NFX1: variants seen among roughly 807,000 people sequenced by gnomAD.
The protein encoded by NFX1 is nuclear transcription factor, X-box binding 1, also known as transcriptional repressor NF-X1.
In NFX1, 69 loss-of-function variants were observed where a neutral mutation model predicts 137.2. The ratio of observed to expected loss-of-function variants is 0.50; its 90% CI spans 0.41 to 0.61. The LOEUF is 0.61. Ranked by LOEUF, NFX1 falls within the 20% of genes least tolerant of loss-of-function variation. The probability of loss-of-function intolerance (pLI) is 0.00; values close to 1 mark genes in which losing one functional copy is unlikely to be tolerated. For missense variants in NFX1, 1,167 were observed against 1,391.0 expected (o/e 0.84, Z 2.56); for synonymous variants, 495 against 474.1 (o/e 1.04, Z -0.57).
chr9:33,312,007 C>A, intron 6 of NFX1, among the ~76,000 whole-genome samples: 1 of 152,116 alleles, frequency 6.6e-6, no homozygotes, highest in East Asian at 1.9e-4. Context: ...TAGGTGACTC[C>A]AGAGCCCACC....
At chr9:33,347,598 CA>C in intron 15 of NFX1, 1 of 289,316 alleles carries the variant, frequency 3.5e-6, no homozygotes, top group Non-Finnish European at 7.1e-6. Flanking sequence ...TAAACTAGTA[CA>C]ACCACTGTGG....
chr9:33,342,128 T>TCTCA (rs553375106), intron 12 of NFX1, among the ~76,000 whole-genome samples: 1 of 146,186 alleles, frequency 6.8e-6, no homozygotes, highest in African/African-American at 2.5e-5. Context: ...TCTCTCTCTC[T>TCTCA]CACACACACA....
chr9:33,292,068 C>T (rs1285131321), intron 1 of NFX1, among the ~76,000 whole-genome samples: 1 of 152,222 alleles, frequency 6.6e-6, no homozygotes, highest in Non-Finnish European at 1.5e-5. Context: ...GTCTCATCCA[C>T]AGGCTCGTTT....
rs1362018384 is a variant in NFX1, at chr9:33,363,997, C to T, written c.2874-13C>T. 1 of 1,545,716 alleles carries T rather than the reference C, an allele frequency of 6.5e-7. No homozygotes were observed. Among genetic ancestry groups the T allele is most frequent in the South Asian group, 1.2e-5 (1 of 81,262 alleles). On this transcript the variant is annotated splice_polypyrimidine_tract_variant and intron_variant, in intron 19 of 23. Coordinates refer to ENST00000379540, the MANE Select transcript of NFX1 (RefSeq NM_002504.6). ...CCACTCCTTTTATTTGCATACCTCTCTCTCTCTTTCAGGAGATTAGCAGAG... is the reference window on the plus strand; with the variant it reads ...CCACTCCTTTTATTTGCATACCTCTTTCTCTCTTTCAGGAGATTAGCAGAG...
chr9:33,328,795 A>C (rs1364232876), intron 10 of NFX1, 117 bp downstream of exon 10: 7 of 778,530 alleles, frequency 9.0e-6, no homozygotes, highest in South Asian at 1.7e-5. Context: ...TGGTTGTGGC[A>C]CTCAAGGTCC....
intron 12 of NFX1, among the ~76,000 whole-genome samples, chr9:33,340,020 A>C (rs1823160123): frequency 6.6e-6 from 1 of 152,222 alleles, no homozygotes; most frequent in Admixed American, 6.5e-5. Context: ...ACACAGTGCA[A>C]GCTGTCAGTG....
chr9:33,351,955 C>G (rs1823653235), intron 16 of NFX1, 165 bp downstream of exon 16: 1 of 629,080 alleles, frequency 1.6e-6, no homozygotes, highest in African/African-American at 1.9e-5. Flanking sequence ...AAGTTTCTGC[C>G]TGCCCAACTT....
At position 33,351,756 on chromosome 9, in the gene NFX1, G is replaced by C. The variant is rs758591739; in HGVS notation, c.2621G>C (p.Ser874Thr). The C allele has an allele frequency of 1.9e-6, 3 of 1,605,408 alleles. No individual in the cohort carries two copies. Among genetic ancestry groups the C allele is most frequent in the Admixed American group, 1.7e-5 (1 of 58,878 alleles). The part of the protein sequence containing the change: ...GHPCMAPCHT[S>T]SPCPVTACKA... The stretch of plus-strand genomic sequence containing the variant: ...CCGTGTATGGCACCCTGCCATACCA[G>C]CTCACCCTGCCCTGTGACTGCTTGT... The change falls in exon 16 of 24, where the codon AGC becomes ACC. Residue 874 changes from serine to threonine, a missense_variant. Around this residue, in one of 3 missense-constraint regions of NFX1, gnomAD observed 312 missense variants for 312.8 expected, o/e 1.00. Transcript: ENST00000379540.
intron 5 of NFX1, among the ~76,000 whole-genome samples, chr9:33,308,365 C>T (rs1294729556): frequency 1.6e-4 from 24 of 152,092 alleles, no homozygotes; most frequent in Admixed American, 1.6e-3. Flanking sequence ...TCATTTGAGT[C>T]CAGGAGTTCA....
intron 19 of NFX1, among the ~76,000 whole-genome samples, chr9:33,362,743 G>A (rs1824040265): frequency 2.0e-5 from 2 of 99,874 alleles, no homozygotes; most frequent in Non-Finnish European, 3.6e-5. Context: ...TGCTCTTGTT[G>A]CCCAGGCTGT....
rs577567627 is a variant in NFX1 at position 33,303,988 on chromosome 9, C to T, written c.1270+720C>T. On this transcript the variant is annotated intron_variant, in intron 4 of 23. Transcript: ENST00000379540. Reference sequence around the variant, plus strand: ...CCGTATTCAGAAATTACCAATGGGCCGGGCTTAGTGGCTCACGCCTGTAAT... The same window carrying T: ...CCGTATTCAGAAATTACCAATGGGCTGGGCTTAGTGGCTCACGCCTGTAAT... Among the ~76,000 whole-genome samples, 18 of 152,320 alleles carry T rather than the reference C, an allele frequency of 1.2e-4. No homozygotes were observed. The East Asian group carries it at 2.7e-3, about 23-fold the overall frequency.
At position 33,294,869 on chromosome 9, in the gene NFX1, G is replaced by A. The variant is rs768373584; in HGVS notation, c.475G>A (p.Val159Met). The A allele has an allele frequency of 6.2e-7, 1 of 1,614,182 alleles. No homozygotes were observed. Among genetic ancestry groups the A allele is most frequent in the South Asian group, 1.1e-5 (1 of 91,088 alleles). The change falls in exon 2 of 24, where the codon GTG (valine) becomes ATG (methionine). Residue 159 changes from valine (V) to methionine (M), a missense_variant. This residue lies in a region of NFX1 where 367 missense variants were observed against 386.7 expected (regional missense o/e 0.95). Transcript: ENST00000379540. ...HSPSESEKEV[V>M]GADPRGAKPK... ...TCCTTCTGAGAGTGAGAAGGAAGTT[G>A]TGGGTGCAGATCCCAGGGGAGCAAA... is the stretch of plus-strand genomic sequence containing the variant.
rs1440739607 is a variant in NFX1, at chr9:33,353,942, G to C, written c.2730-144G>C. 6 of 633,474 alleles carry C rather than the reference G, an allele frequency of 9.5e-6. No individual in the cohort carries two copies. The African/African-American group carries it at 9.6e-5, about 10-fold the overall frequency. The allele number at this position is 633,474 out of a possible 1,614,324, so 39.2% of individuals were successfully genotyped here. A position where few individuals can be genotyped will look rare whatever the true frequency, so the allele number is the denominator to read the frequency against. ...TGACCTCAGGTGATCCACCTGCCTT[G>C]GTTTCCCAAAGTGCTGGGCTTACAG... On this transcript the variant is annotated intron_variant, in intron 17 of 23. Transcript: ENST00000379540.
intron 19 of NFX1, among the ~76,000 whole-genome samples, chr9:33,362,983 C>T (rs972476560): frequency 7.9e-5 from 12 of 151,666 alleles, no homozygotes; most frequent in South Asian, 2.1e-4. Flanking sequence ...GGATTACAGG[C>T]GTGAGCCACC....
Position 33,364,709 on chromosome 9 carries a change from A to G in NFX1, c.2974A>G (p.Lys992Glu), listed in dbSNP as rs1824118813. 7 of 1,613,280 alleles carry G rather than the reference A, an allele frequency of 4.3e-6. No homozygotes were observed. Among genetic ancestry groups the G allele is most frequent in the Non-Finnish European group, 5.9e-6 (7 of 1,179,622 alleles). Residue 992 changes from lysine (K) to glutamate (E), a missense_variant and splice_region_variant, in exon 21 of 24, where the codon AAG (lysine) becomes GAG (glutamate). Transcript: ENST00000379540. ...FSDSLKEDAR[K>E]DLKFVSDVEK... is the part of the protein sequence containing the mutation. ...TTAACTGGTGATTTCTCATTTCAGG[A>G]AGGACTTAAAGTTTGTCAGTGACGT...
chr9:33,337,769 C>T (rs982445006), intron 11 of NFX1, among the ~76,000 whole-genome samples: 1 of 150,620 alleles, frequency 6.6e-6, no homozygotes, highest in Admixed American at 6.6e-5. Context: ...AAACTGATGG[C>T]CGGGCATGGT....
At chr9:33,291,557 G>A (rs748325477) in intron 1 of NFX1, among the ~76,000 whole-genome samples, 64 of 152,298 alleles carry the variant, frequency 4.2e-4, no homozygotes, top group Non-Finnish European at 6.5e-4. Context: ...GACCATATAT[G>A]TATTTGTATA....
chr9:33,328,802 G>A, intron 10 of NFX1, 124 bp downstream of exon 10: 1 of 708,094 alleles, frequency 1.4e-6, no homozygotes, highest in Non-Finnish European at 2.4e-6. Flanking sequence ...GGCACTCAAG[G>A]TCCAGAGGCC....
At chr9:33,338,047 T>G (rs1823074560) in intron 11 of NFX1, among the ~76,000 whole-genome samples, 2 of 144,664 alleles carry the variant, frequency 1.4e-5, no homozygotes, top group African/African-American at 2.6e-5. Context: ...AGACCCTGTC[T>G]CAGAAAAAAA....
Sources: allele counts gnomAD v4.1 joint callset (sites outside exome capture counted in the v4.1 genomes callset), GRCh38; gene constraint gnomAD v4.1.1; regional missense constraint gnomAD v4.1.1; transcripts MANE v1.5; gene names NCBI Gene and HGNC (gene_info 2026-07-23, HGNC 2026-07-21).